RNF144A: variants seen among roughly 807,000 people sequenced by gnomAD.
The protein encoded by RNF144A is E3 ubiquitin-protein ligase RNF144A.
RNF144A carries 11 observed loss-of-function variants against 38.7 expected under a neutral mutation model. The observed-to-expected ratio is 0.28, with a 90% CI of 0.18 to 0.47. The LOEUF is 0.47. Among genes scored for constraint, RNF144A ranks in the 20% least tolerant of loss-of-function variants. The probability of loss-of-function intolerance (pLI) is 0.99; values close to 1 mark genes in which losing one functional copy is unlikely to be tolerated. For synonymous variants in RNF144A, 149 were observed against 143.9 expected (o/e 1.04, Z -0.25); for missense variants, 316 against 377.2 (o/e 0.84, Z 1.34).
chr2:7,038,784 AGATGGGTG>A lies in RNF144A; in HGVS notation c.748-831_748-824del, dbSNP rs1220031210. 9.2e-5 allele frequency among the ~76,000 whole-genome samples: 14 copies of A among 152,204 alleles called. 1 individual carries two copies. The highest frequency in any genetic ancestry group is 3.1e-4 in the African/African-American group (13 of 41,538). ...GCAGATGGATGATGGTTAGATGGAT[AGATGGGTG>A]GATGGGTGGATGGATGGGTAGATGG... On this transcript the variant is annotated intron_variant, in intron 8 of 8. Transcript: ENST00000320892.
At chr2:6,936,494 G>T (rs1665592565) in intron 1 of RNF144A, among the ~76,000 whole-genome samples, 1 of 152,026 alleles carries the variant, frequency 6.6e-6, no homozygotes, top group Non-Finnish European at 1.5e-5. Flanking sequence ...CCTTTTTATT[G>T]TAGTGATTTC....
At chr2:6,952,788 T>C (rs1318930801) in intron 2 of RNF144A, among the ~76,000 whole-genome samples, 1 of 152,042 alleles carries the variant, frequency 6.6e-6, no homozygotes, top group African/African-American at 2.4e-5. Context: ...CTTTTAGGCA[T>C]GTGTTCATAA....
At position 7,008,546 on chromosome 2, in the gene RNF144A, C is replaced by A. The variant is rs564124635; in HGVS notation, c.136-5908C>A. 3.2e-3 allele frequency among the ~76,000 whole-genome samples: 483 copies of A among 152,286 alleles called. 2 individuals are homozygous for A. Among genetic ancestry groups the A allele is most frequent in the South Asian group, 7.7e-3 (37 of 4,824 alleles). On this transcript the variant is annotated intron_variant, in intron 3 of 8. Transcript: ENST00000320892. ...ACTCTCCACTGCCTGCAGGAGTGAG[C>A]CCTGCCGCTCCACTCAGCACTGCTG...
intron 8 of RNF144A, among the ~76,000 whole-genome samples, chr2:7,038,446 AG>A (rs1021893952): frequency 2.9e-4 from 44 of 152,316 alleles, no homozygotes; most frequent in African/African-American, 8.7e-4. Flanking sequence ...TCTGCCAGAC[AG>A]GGTGTTCCTC....
chr2:7,034,271 CAA>C (rs577715862), intron 8 of RNF144A, among the ~76,000 whole-genome samples: 16 of 113,824 alleles, frequency 1.4e-4, no homozygotes, highest in Non-Finnish European at 1.5e-4. Context: ...GACTCTGTCT[CAA>C]AAAAAAAAAA....
intron 1 of RNF144A, among the ~76,000 whole-genome samples, chr2:6,938,247 T>G: frequency 6.7e-5 from 2 of 29,816 alleles, no homozygotes; most frequent in South Asian, 1.4e-3. Flanking sequence ...TCCCCTCCCC[T>G]CCCTTTTTTT....
chr2:7,050,629 G>A (rs549854078), intron 6 of RNF144A, among the ~76,000 whole-genome samples: 5 of 152,254 alleles, frequency 3.3e-5, no homozygotes, highest in Non-Finnish European at 7.4e-5. Context: ...ACCATTGAGA[G>A]CCTTCTGCTT....
intron 8 of RNF144A, among the ~76,000 whole-genome samples, chr2:7,031,552 T>C (rs1376133994): frequency 6.6e-6 from 1 of 152,166 alleles, no homozygotes; most frequent in Admixed American, 6.5e-5. Flanking sequence ...AGGAGGCACA[T>C]TGGCTGCTGC....
Position 7,043,460 on chromosome 2 carries a change from C to T in RNF144A, c.*3700C>T. Reference sequence around the variant, plus strand: ...GATTCTCATTTATTAGTGAGCACACCTGTGTATATATATAAATCACAAGGA... The same window carrying T: ...GATTCTCATTTATTAGTGAGCACACTTGTGTATATATATAAATCACAAGGA... On this transcript the variant is annotated 3_prime_UTR_variant, in exon 9 of 9. Transcript: ENST00000320892. The T allele has an allele frequency of 1.0e-6, 1 of 985,552 alleles. No individual in the cohort carries two copies. The highest frequency in any genetic ancestry group is 4.7e-5 in the South Asian group (1 of 21,272). The allele number at this position is 985,552 out of a possible 1,614,324, so 61.1% of individuals were successfully genotyped here.
chr2:6,955,983 C>T (rs968016757), intron 2 of RNF144A, among the ~76,000 whole-genome samples: 1 of 152,156 alleles, frequency 6.6e-6, no homozygotes, highest in African/African-American at 2.4e-5. Flanking sequence ...CACTTAAGTA[C>T]TAGTTAAATT....
intron 2 of RNF144A, among the ~76,000 whole-genome samples, chr2:6,990,572 A>AC (rs377124161): frequency 0.37 from 30,617 of 83,654 alleles, 3,951 homozygotes; most frequent in Middle Eastern, 0.47. Flanking sequence ...TACACACACA[A>AC]ACACACACAC....
At chr2:7,009,818 C>T (rs971658035) in intron 3 of RNF144A, among the ~76,000 whole-genome samples, 2 of 152,138 alleles carry the variant, frequency 1.3e-5, no homozygotes, top group Non-Finnish European at 2.9e-5. Context: ...TATGGCCCTG[C>T]GGTGGTGGTG....
At chr2:7,052,296 T>A (rs1336886810) in intron 6 of RNF144A, among the ~76,000 whole-genome samples, 1 of 152,230 alleles carries the variant, frequency 6.6e-6, no homozygotes, top group Non-Finnish European at 1.5e-5. Flanking sequence ...CTGCCTAGCA[T>A]CTAACATGAG....
intron 1 of RNF144A, chr2:6,933,074 G>A (rs1665304771): frequency 6.6e-6 from 1 of 152,234 alleles, no homozygotes; most frequent in Admixed American, 6.5e-5. Flanking sequence ...GGCTGCATAA[G>A]CTTAACTGCG....
chr2:6,957,960 G>A (rs1178493420), intron 2 of RNF144A, among the ~76,000 whole-genome samples: 1 of 152,196 alleles, frequency 6.6e-6, no homozygotes, highest in Non-Finnish European at 1.5e-5. Flanking sequence ...CCTTCTGGGG[G>A]CTGCAGCTGA....
chr2:6,931,479 T>C (rs1401292987), intron 1 of RNF144A, among the ~76,000 whole-genome samples: 1 of 152,256 alleles, frequency 6.6e-6, no homozygotes, highest in East Asian at 1.9e-4. Flanking sequence ...GCTGACAGCA[T>C]TCAGAGTCCA....
chr2:7,053,618 A>G (rs1305967820), intron 6 of RNF144A, among the ~76,000 whole-genome samples: 1 of 152,232 alleles, frequency 6.6e-6, no homozygotes, highest in Admixed American at 6.5e-5. Context: ...TTTCCTTAAC[A>G]TGGATGCTTA....
At chr2:7,047,825 G>T (rs749606309), downstream of RNF144A, among the ~76,000 whole-genome samples, 4 of 152,208 alleles carry the variant, frequency 2.6e-5, no homozygotes, top group Non-Finnish European at 5.9e-5. Flanking sequence ...TGCTCACAAA[G>T]CTGCGAGTCT....
At chr2:7,046,152 T>C (rs933918403), downstream of RNF144A, among the ~76,000 whole-genome samples, 1 of 152,164 alleles carries the variant, frequency 6.6e-6, no homozygotes, top group African/African-American at 2.4e-5. Flanking sequence ...CATGAGAGAT[T>C]ATAACTGCTG....
Sources: allele counts gnomAD v4.1 joint callset (sites outside exome capture counted in the v4.1 genomes callset), GRCh38; gene constraint gnomAD v4.1.1; transcripts MANE v1.5; gene names NCBI Gene and HGNC (gene_info 2026-07-23, HGNC 2026-07-21).